ACTR3C: variants seen among roughly 807,000 people sequenced by gnomAD.
ACTR3C encodes the protein actin related protein 3C, also known as actin-related protein 3C.
A neutral mutation model predicts 26.3 loss-of-function variants in ACTR3C; 18 were observed. The observed-to-expected ratio is 0.68, with a 90% CI of 0.47 to 1.01. The LOEUF is 1.01. ACTR3C is among the 50% of genes least tolerant of loss of function. The pLI, the probability that ACTR3C is intolerant of heterozygous loss-of-function variation, is 0.00. For missense variants in ACTR3C, 184 were observed against 250.7 expected (o/e 0.73, Z 1.80); for synonymous variants, 55 against 94.5 (o/e 0.58, Z 2.42).
chr7:149,997,240 C>CCCTTGCT, the ACTR3C span, among the ~76,000 whole-genome samples: 1 of 151,684 alleles, frequency 6.6e-6, no homozygotes, highest in Non-Finnish European at 1.5e-5. Flanking sequence ...GTGGTTCACT[C>CCCTTGCT]CCTTGCTTCA....
the ACTR3C span, among the ~76,000 whole-genome samples, chr7:150,045,564 G>GAAAA: frequency 1.7e-5 from 2 of 115,234 alleles, no homozygotes; most frequent in African/African-American, 3.2e-5. Flanking sequence ...GTATTTTCCA[G>GAAAA]AAAAAAAAAA....
intron 6 of ACTR3C, among the ~76,000 whole-genome samples, chr7:150,257,809 C>T (rs1211049302): frequency 3.3e-5 from 5 of 152,222 alleles, no homozygotes; most frequent in African/African-American, 1.2e-4. Context: ...GCAGAAAGCT[C>T]ACTCTTCACT....
At chr7:150,026,083 C>G in the ACTR3C span, among the ~76,000 whole-genome samples, 2 of 152,048 alleles carry the variant, frequency 1.3e-5, no homozygotes, top group African/African-American at 4.8e-5. Flanking sequence ...AGGGAAAATG[C>G]CTGGCACACA....
At chr7:150,127,139 G>C in the ACTR3C span, among the ~76,000 whole-genome samples, 3 of 129,596 alleles carry the variant, frequency 2.3e-5, no homozygotes, top group Non-Finnish European at 3.3e-5. Flanking sequence ...CCTACCATTA[G>C]ACACACACAC....
At chr7:150,116,012 A>C in the ACTR3C span, among the ~76,000 whole-genome samples, 1 of 152,364 alleles carries the variant, frequency 6.6e-6, no homozygotes, top group South Asian at 2.1e-4. Context: ...GAAAAGTGTC[A>C]TAGAAGCCAA....
the ACTR3C span, among the ~76,000 whole-genome samples, chr7:150,084,132 A>C: frequency 1.3e-4 from 20 of 152,292 alleles, no homozygotes; most frequent in African/African-American, 4.8e-4. Flanking sequence ...TCAGCCTCAC[A>C]AAGTGCTGGG....
chr7:150,005,804 G>A, the ACTR3C span, among the ~76,000 whole-genome samples: 41 of 152,312 alleles, frequency 2.7e-4, no homozygotes, highest in African/African-American at 9.6e-4. Context: ...AACACAGCAG[G>A]CTCTCTGCTG....
At chr7:150,089,513 T>C in the ACTR3C span, among the ~76,000 whole-genome samples, 1 of 152,204 alleles carries the variant, frequency 6.6e-6, no homozygotes, top group Non-Finnish European at 1.5e-5. Flanking sequence ...CAGGACTTTC[T>C]TCCTTGGGAG....
the ACTR3C span, among the ~76,000 whole-genome samples, chr7:150,195,274 T>C: frequency 6.6e-6 from 1 of 151,826 alleles, no homozygotes; most frequent in Non-Finnish European, 1.5e-5. Context: ...AATTTTTGCT[T>C]TAAAAAATCA....
At chr7:150,096,216 G>A in the ACTR3C span, among the ~76,000 whole-genome samples, 4 of 149,542 alleles carry the variant, frequency 2.7e-5, no homozygotes, top group South Asian at 8.4e-4. Context: ...TTACACTTTG[G>A]ATATATTATG....
chr7:150,209,248 C>CAGAGAGAGAGACAGAAACAGAG, the ACTR3C span, among the ~76,000 whole-genome samples: 8 of 138,044 alleles, frequency 5.8e-5, no homozygotes, highest in Non-Finnish European at 1.1e-4. Flanking sequence ...CAGAGAGAGA[C>CAGAGAGAGAGACAGAAACAGAG]AGAGAGAGAG....
chr7:150,254,174 C>A (rs11976802), intron 6 of ACTR3C, among the ~76,000 whole-genome samples: 1 of 152,016 alleles, frequency 6.6e-6, no homozygotes, highest in Non-Finnish European at 1.5e-5. Context: ...AATGATTTAC[C>A]CCTCTTTAGA....
the ACTR3C span, among the ~76,000 whole-genome samples, chr7:149,921,854 G>C: frequency 6.6e-6 from 1 of 151,956 alleles, no homozygotes; most frequent in East Asian, 1.9e-4. Flanking sequence ...TCCAGCCTGG[G>C]TGTCAGAGCG....
intron 5 of ACTR3C, 52 bp from the exon 6 acceptor site, chr7:150,284,897 A>G (rs1835649168): frequency 6.6e-7 from 1 of 1,521,258 alleles, no homozygotes; most frequent in Non-Finnish European, 8.9e-7. Context: ...CTCAAATAGA[A>G]CAACATGAAC....
At chr7:150,245,599 T>C (rs567224898), downstream of ACTR3C, 71 of 152,298 alleles carry the variant, frequency 4.7e-4, 1 homozygote, top group Non-Finnish European at 3.7e-4. Flanking sequence ...TTGGGAATTG[T>C]AATTTCTGTG....
At chr7:150,194,563 A>G in the ACTR3C span, among the ~76,000 whole-genome samples, 1 of 151,892 alleles carries the variant, frequency 6.6e-6, no homozygotes, top group Non-Finnish European at 1.5e-5. Context: ...TTCACACTTA[A>G]TATTACAGTT....
the ACTR3C span, among the ~76,000 whole-genome samples, chr7:150,039,091 C>A: frequency 1.7e-4 from 25 of 149,348 alleles, no homozygotes; most frequent in African/African-American, 5.9e-4. Flanking sequence ...CTACTAACAC[C>A]CACAGTCCTC....
At chr7:150,028,613 C>G in the ACTR3C span, among the ~76,000 whole-genome samples, 74 of 152,410 alleles carry the variant, frequency 4.9e-4, no homozygotes, top group Non-Finnish European at 8.7e-4. Context: ...ATCTCTGCTT[C>G]TGGCCTTTAT....
At chr7:150,063,322 G>A in the ACTR3C span, among the ~76,000 whole-genome samples, 1 of 151,516 alleles carries the variant, frequency 6.6e-6, no homozygotes. Flanking sequence ...GGAGACTGTG[G>A]ATAAGGCTGC....
Sources: gnomAD v4.1 joint callset for allele counts (sites outside exome capture counted in the v4.1 genomes callset) on GRCh38, gnomAD v4.1.1 for gene constraint, MANE v1.5 for transcripts, NCBI Gene and HGNC (gene_info 2026-07-23, HGNC 2026-07-21) for gene names.